GOLIM4: variants seen among roughly 807,000 people sequenced by gnomAD.
GOLIM4 encodes 130 kDa golgi-localized phosphoprotein.
A neutral mutation model predicts 107.4 loss-of-function variants in GOLIM4; 71 were observed. The observed-to-expected ratio is 0.66, with a 90% CI of 0.55 to 0.81. The LOEUF is 0.81. Among genes scored for constraint, GOLIM4 ranks in the 30% least tolerant of loss-of-function variants. The pLI is 0.00. For missense variants in GOLIM4, 830 were observed against 826.1 expected (o/e 1.00, Z -0.06); for synonymous variants, 327 against 294.8 (o/e 1.11, Z -1.12).
Position 168,010,006 on chromosome 3 carries a change from A to T in GOLIM4, c.*263T>A, listed in dbSNP as rs1420504316. On this transcript the variant is annotated 3_prime_UTR_variant, in exon 16 of 16. Coordinates refer to ENST00000470487, the MANE Select transcript of GOLIM4 (RefSeq NM_014498.5). ...GCTTTCCAACATCACATAATCTATT[A>T]AAAAAATTGGGACGTGGGGGCTCAG... 1.0e-5 allele frequency: 3 copies of T among 295,542 alleles called. No individual in the cohort carries two copies. Among genetic ancestry groups the T allele is most frequent in the African/African-American group, 2.2e-5 (1 of 46,144 alleles). 18.3% of individuals were successfully genotyped at this position (295,542 alleles called of 1,614,324 possible). A position where few individuals can be genotyped will look rare whatever the true frequency, so the allele number is the denominator to read the frequency against.
At chr3:168,058,709 C>CT (rs754119728) in intron 1 of GOLIM4, among the ~76,000 whole-genome samples, 2 of 152,150 alleles carry the variant, frequency 1.3e-5, no homozygotes, top group Non-Finnish European at 2.9e-5. Flanking sequence ...AACAGAATCT[C>CT]TTTGAGAGCT....
intron 1 of GOLIM4, among the ~76,000 whole-genome samples, chr3:168,093,321 T>G (rs1338558663): frequency 6.6e-6 from 1 of 152,228 alleles, no homozygotes; most frequent in Non-Finnish European, 1.5e-5. Context: ...GTGCCTGGGA[T>G]GAACTTACTC....
At position 168,009,237 on chromosome 3, in the gene GOLIM4, A is replaced by G. The variant is rs141904471; in HGVS notation, c.*1032T>C. 1.2e-4 allele frequency: 19 copies of G among 152,118 alleles called. No individual in the cohort carries two copies. The highest frequency in any genetic ancestry group is 4.1e-4 in the African/African-American group (17 of 41,554). 9.4% of individuals were successfully genotyped at this position (152,118 alleles called of 1,614,324 possible). A position where few individuals can be genotyped will look rare whatever the true frequency, so the allele number is the denominator to read the frequency against. ...CCCAATCCCAGCAAACAGAAAAACC[A>G]TAAGTCTATCATATCACCATATGTT... On this transcript the variant is annotated 3_prime_UTR_variant, in exon 16 of 16. Transcript: ENST00000470487.
intron 14 of GOLIM4, among the ~76,000 whole-genome samples, chr3:168,013,637 G>T (rs1224723408): frequency 1.3e-5 from 2 of 149,456 alleles, no homozygotes; most frequent in African/African-American, 2.6e-5. Flanking sequence ...CACATACTGG[G>T]AAGTAAAGCT....
At chr3:168,053,218 T>C (rs975855902) in intron 1 of GOLIM4, among the ~76,000 whole-genome samples, 3 of 152,194 alleles carry the variant, frequency 2.0e-5, no homozygotes, top group Non-Finnish European at 4.4e-5. Context: ...AATGCATATC[T>C]ATGCAATTTC....
rs1416814502 is a variant in GOLIM4 at position 168,095,129 on chromosome 3, G to T, written c.157C>A (p.His53Asn). 4.4e-6 allele frequency: 7 copies of T among 1,607,912 alleles called. No individual in the cohort carries two copies. Among genetic ancestry groups the T allele is most frequent in the Non-Finnish European group, 3.4e-6 (4 of 1,175,400 alleles). Reference protein sequence around the residue: ...AEAVALKYQQHQESLSAQLQV... With the variant: ...AEAVALKYQQNQESLSAQLQV... ...AACTGGGCGGAGAGGGACTCCTGGT[G>T]CTGCTGGTACTTGAGCGCCACCGCC... is the stretch of plus-strand genomic sequence containing the variant. Residue 53 changes from histidine (H) to asparagine (N), a missense_variant, in exon 1 of 16, where the codon CAC (histidine) becomes AAC (asparagine). Coordinates refer to ENST00000470487, the MANE Select transcript of GOLIM4 (RefSeq NM_014498.5).
chr3:168,047,133 A>G (rs982829937), intron 2 of GOLIM4, 134 bp from the exon 3 acceptor site: 2 of 488,038 alleles, frequency 4.1e-6, no homozygotes, highest in African/African-American at 4.1e-5. Context: ...GGTGATTTAC[A>G]TACTTTATTT....
rs1718403311 is a variant in GOLIM4, at chr3:168,032,729, G to A, written c.967C>T (p.Gln323Ter). 1 of 1,613,942 alleles carries A rather than the reference G, an allele frequency of 6.2e-7. No individual in the cohort carries two copies. The highest frequency in any genetic ancestry group is 1.7e-5 in the Admixed American group (1 of 59,990). ...EFQAPPEPIQ[Q>*]EVERREPEEH... The stretch of plus-strand genomic sequence containing the variant: ...TCAGGTTCTCTGCGTTCCACTTCTT[G>A]TTGGATTGGCTCTGGGGGAGCCTGA... The change falls in exon 9 of 16, where the codon CAA becomes TAA. Residue 323 changes from glutamine (Q) to a stop codon, truncating the protein, a stop_gained. Coordinates refer to ENST00000470487, the MANE Select transcript of GOLIM4 (RefSeq NM_014498.5). LOFTEE classifies it high-confidence loss of function.
At chr3:168,059,685 T>C (rs557814999) in intron 1 of GOLIM4, among the ~76,000 whole-genome samples, 5 of 152,288 alleles carry the variant, frequency 3.3e-5, no homozygotes, top group African/African-American at 4.8e-5. Flanking sequence ...ATAAATAATA[T>C]GCTAGCAGGT....
chr3:168,086,285 A>C (rs964419885), intron 1 of GOLIM4, among the ~76,000 whole-genome samples: 1 of 152,124 alleles, frequency 6.6e-6, no homozygotes, highest in African/African-American at 2.4e-5. Flanking sequence ...CTCTAAACCA[A>C]ATTAATCAAT....
At chr3:168,046,049 T>G (rs537625390) in intron 3 of GOLIM4, among the ~76,000 whole-genome samples, 2 of 152,278 alleles carry the variant, frequency 1.3e-5, no homozygotes, top group South Asian at 4.1e-4. Flanking sequence ...GCCCAGCTAA[T>G]ATTTTGTACT....
intron 11 of GOLIM4, 137 bp downstream of exon 11, chr3:168,029,086 A>AAG: frequency 1.8e-6 from 1 of 546,464 alleles, no homozygotes; most frequent in South Asian, 3.2e-5. Context: ...GATTAAGAAA[A>AAG]AGACATGATT....
At chr3:168,020,517 T>A (rs568054376) in intron 14 of GOLIM4, among the ~76,000 whole-genome samples, 1 of 152,270 alleles carries the variant, frequency 6.6e-6, no homozygotes, top group African/African-American at 2.4e-5. Flanking sequence ...TGCCACAAAC[T>A]CTTCAAGGTG....
At chr3:168,011,325 G>A (rs888083275) in intron 14 of GOLIM4, among the ~76,000 whole-genome samples, 3 of 152,198 alleles carry the variant, frequency 2.0e-5, no homozygotes, top group African/African-American at 4.8e-5. Context: ...CAAATACTGC[G>A]CTTTTCCGAC....
intron 1 of GOLIM4, among the ~76,000 whole-genome samples, chr3:168,079,426 A>C (rs1055564762): frequency 1.7e-4 from 26 of 152,190 alleles, no homozygotes; most frequent in Admixed American, 3.3e-4. Context: ...GAATGAGATG[A>C]GTGCAAGAGA....
chr3:168,057,081 G>A (rs1720014918), intron 1 of GOLIM4, among the ~76,000 whole-genome samples: 1 of 152,120 alleles, frequency 6.6e-6, no homozygotes, highest in Non-Finnish European at 1.5e-5. Flanking sequence ...CATGTGGCAG[G>A]TCTTTCCTGT....
chr3:168,022,292 T>G (rs1026498887), intron 14 of GOLIM4, among the ~76,000 whole-genome samples: 2 of 151,820 alleles, frequency 1.3e-5, no homozygotes, highest in African/African-American at 4.8e-5. Context: ...ATTCTAGTGG[T>G]TAGCTGGGGC....
In GOLIM4 at chr3:168,048,377, GTT is replaced by G; in HGVS notation, c.188-14_188-13del. Reference sequence around the variant, plus strand: ...GTGTTCATATACAACTGGAAAAAAAGTTAACATTTTTGTCTTCAAAGAATTAG... The same window carrying G: ...GTGTTCATATACAACTGGAAAAAAAGAACATTTTTGTCTTCAAAGAATTAG... On this transcript the variant is annotated splice_polypyrimidine_tract_variant and intron_variant, in intron 1 of 15. Coordinates refer to ENST00000470487, the MANE Select transcript of GOLIM4 (RefSeq NM_014498.5). 1 of 1,349,284 alleles carries G rather than the reference GTT, an allele frequency of 7.4e-7. No homozygotes were observed. The highest frequency in any genetic ancestry group is 1.0e-6 in the Non-Finnish European group (1 of 967,768). The allele number at this position is 1,349,284 out of a possible 1,614,324, so 83.6% of individuals were successfully genotyped here. A position where few individuals can be genotyped will look rare whatever the true frequency, so the allele number is the denominator to read the frequency against.
At chr3:168,086,757 ATGAC>A (rs1454468111) in intron 1 of GOLIM4, among the ~76,000 whole-genome samples, 1 of 152,212 alleles carries the variant, frequency 6.6e-6, no homozygotes, top group Non-Finnish European at 1.5e-5. Context: ...GTGAAGGACA[ATGAC>A]TGACATGTCT....
Sources: gnomAD v4.1 joint callset for allele counts (sites outside exome capture counted in the v4.1 genomes callset) on GRCh38, gnomAD v4.1.1 for gene constraint, MANE v1.5 for transcripts, NCBI Gene and HGNC (gene_info 2026-07-23, HGNC 2026-07-21) for gene names.